The following ATP8A2 variants were observed in gnomAD, a reference collection of about 807,000 sequenced individuals.
ATP8A2 encodes phospholipid-transporting ATPase IB.
In ATP8A2, 100 loss-of-function variants were observed where a neutral mutation model predicts 165.6. The ratio of observed to expected loss-of-function variants is 0.60; its 90% CI spans 0.51 to 0.71. The LOEUF is 0.71. ATP8A2 is among the 30% of genes least tolerant of loss of function. The pLI is 0.00. For missense variants in ATP8A2, 1,227 were observed against 1,479.5 expected, an observed-to-expected ratio of 0.83 and a Z score of 2.80; for synonymous variants, 543 against 548.8, an observed-to-expected ratio of 0.99 and a Z score of 0.15.
chr13:25,479,730 A>G (rs1233308194), intron 2 of ATP8A2, among the ~76,000 whole-genome samples: 16 of 152,088 alleles, frequency 1.1e-4, no homozygotes, highest in Admixed American at 9.8e-4. Context: ...TGTTTAACAA[A>G]GCACATCTTG....
chr13:25,508,972 G>A (rs2037136711), intron 2 of ATP8A2, among the ~76,000 whole-genome samples: 1 of 152,224 alleles, frequency 6.6e-6, no homozygotes, highest in South Asian at 2.1e-4. Context: ...GGAAAGTTGA[G>A]TTAGAAATAA....
rs567752253 is a variant in ATP8A2 at position 25,839,820 on chromosome 13, G to A, written c.2956+196G>A. On this transcript the variant is annotated intron_variant, in intron 30 of 36. Coordinates refer to ENST00000381655, the MANE Select transcript of ATP8A2 (RefSeq NM_016529.6). ...TAGGTTTCATCAGTTCTGGCCTTGA[G>A]AACCCATTTTCTTTCCAGTTGACTG... Among the ~76,000 whole-genome samples, 7 of 152,268 alleles carry A rather than the reference G, an allele frequency of 4.6e-5. No homozygotes were observed. The East Asian group carries it at 9.6e-4, about 21-fold the overall frequency.
chr13:25,765,076 G>A (rs1046503070), intron 25 of ATP8A2, among the ~76,000 whole-genome samples: 7 of 152,200 alleles, frequency 4.6e-5, no homozygotes, highest in African/African-American at 1.7e-4. Context: ...TTGAAATAAT[G>A]TTAGAGAGCT....
At chr13:25,377,276 TAG>T (rs1185914435) in intron 1 of ATP8A2, among the ~76,000 whole-genome samples, 2 of 152,236 alleles carry the variant, frequency 1.3e-5, no homozygotes, top group African/African-American at 4.8e-5. Flanking sequence ...TACATCCACT[TAG>T]GCTGGGAAAA....
intron 28 of ATP8A2, among the ~76,000 whole-genome samples, chr13:25,833,094 G>A (rs1482320118): frequency 6.7e-6 from 1 of 149,700 alleles, no homozygotes; most frequent in Admixed American, 6.6e-5. Context: ...CTCTAGCAGT[G>A]GACACCTAGA....
intron 25 of ATP8A2, among the ~76,000 whole-genome samples, chr13:25,704,611 C>T (rs1270225754): frequency 6.6e-6 from 1 of 152,154 alleles, no homozygotes; most frequent in Non-Finnish European, 1.5e-5. Flanking sequence ...GCTGAGATTA[C>T]AGGCATGAGC....
At chr13:25,955,314 C>CA (rs1275757538) in intron 33 of ATP8A2, among the ~76,000 whole-genome samples, 1 of 151,882 alleles carries the variant, frequency 6.6e-6, no homozygotes, top group Non-Finnish European at 1.5e-5. Context: ...AAAAACCCTT[C>CA]AAAAAAATCA....
At chr13:25,382,018 C>T (rs1425767231) in intron 1 of ATP8A2, among the ~76,000 whole-genome samples, 1 of 152,122 alleles carries the variant, frequency 6.6e-6, no homozygotes. Flanking sequence ...TGGCATGTAT[C>T]CCCCAATGTG....
At chr13:25,632,063 A>C (rs1379495684) in intron 24 of ATP8A2, among the ~76,000 whole-genome samples, 2 of 152,048 alleles carry the variant, frequency 1.3e-5, no homozygotes, top group East Asian at 3.9e-4. Context: ...AGAGTAGCTC[A>C]CAAAACTCAG....
intron 27 of ATP8A2, among the ~76,000 whole-genome samples, chr13:25,778,265 C>T (rs750544520): frequency 6.6e-6 from 1 of 152,196 alleles, no homozygotes; most frequent in African/African-American, 2.4e-5. Flanking sequence ...ACCACAGTTC[C>T]TTGAACATAA....
At position 25,622,537 on chromosome 13, in the gene ATP8A2, T is replaced by G. The variant is rs551900793; in HGVS notation, c.2211+32838T>G. On this transcript the variant is annotated intron_variant, in intron 24 of 36. Coordinates refer to ENST00000381655, the MANE Select transcript of ATP8A2 (RefSeq NM_016529.6). ...GTGAAATAATCTGAAACAGAAATGT[T>G]TATACAGGGTGAGCATCCCCAGTCC... Among the ~76,000 whole-genome samples, 6 of 152,248 alleles carry G rather than the reference T, an allele frequency of 3.9e-5. No homozygotes were observed. In the South Asian group the frequency reaches 1.2e-3, roughly 32 times the overall value.
rs746455176 is a variant in ATP8A2, at chr13:25,465,755, C to CTCTCTCTCTTTCTCTCTT, written c.77-3215_77-3214insCTTTCTCTCTTTCTCTCT. Among the ~76,000 whole-genome samples the CTCTCTCTCTTTCTCTCTT allele has an allele frequency of 1.0e-3, 12 of 11,842 alleles. 2 individuals carry two copies. Among genetic ancestry groups the CTCTCTCTCTTTCTCTCTT allele is most frequent in the Non-Finnish European group, 9.8e-4 (4 of 4,080 alleles). The allele number at this position is 11,842 out of a possible 152,430, so 7.8% of individuals were successfully genotyped here. On this transcript the variant is annotated intron_variant, in intron 1 of 36. Coordinates refer to ENST00000381655, the MANE Select transcript of ATP8A2 (RefSeq NM_016529.6). ...TCTTTCTTTCCCTCCCTCCCTCTCT[C>CTCTCTCTCTTTCTCTCTT]TCTCTCTTTCTCTCTTTCTCTCTTT...
At chr13:25,980,441 A>G (rs972731016) in intron 35 of ATP8A2, among the ~76,000 whole-genome samples, 2 of 152,158 alleles carry the variant, frequency 1.3e-5, no homozygotes, top group African/African-American at 4.8e-5. Context: ...AGAATTTGAT[A>G]AGAAGGCCTG....
chr13:25,819,535 A>C (rs2181427), intron 27 of ATP8A2, among the ~76,000 whole-genome samples: 87,583 of 151,862 alleles, frequency 0.58, 25,526 homozygotes, highest in East Asian at 0.7. Context: ...TGTCAATCTC[A>C]TGCTGTTTCT....
chr13:25,428,183 CA>C (rs11343187), intron 1 of ATP8A2, among the ~76,000 whole-genome samples: 58,880 of 147,218 alleles, frequency 0.4, 13,169 homozygotes, highest in East Asian at 0.59. Context: ...GACCCTGTCT[CA>C]AAAAAAAAAG....
intron 25 of ATP8A2, among the ~76,000 whole-genome samples, chr13:25,752,062 C>A (rs2044162989): frequency 6.6e-6 from 1 of 151,716 alleles, no homozygotes; most frequent in African/African-American, 2.4e-5. Flanking sequence ...AAGAGAGTAC[C>A]AATGGGCATA....
chr13:25,379,002 T>C (rs1175343337), intron 1 of ATP8A2, among the ~76,000 whole-genome samples: 3 of 152,266 alleles, frequency 2.0e-5, no homozygotes, highest in Non-Finnish European at 4.4e-5. Flanking sequence ...TGTATACTTT[T>C]CTTTTTAAAT....
chr13:25,667,794 C>T (rs80112102), intron 24 of ATP8A2, among the ~76,000 whole-genome samples: 5,306 of 151,924 alleles, frequency 0.035, 156 homozygotes, highest in East Asian at 0.13. Context: ...CTAGTGTACC[C>T]TTTTGATTCC....
chr13:25,621,183 C>T (rs756353484), intron 24 of ATP8A2, among the ~76,000 whole-genome samples: 2 of 151,998 alleles, frequency 1.3e-5, no homozygotes, highest in Non-Finnish European at 2.9e-5. Flanking sequence ...GAAGAAGGTA[C>T]CTTGAAATGT....
Sources: gnomAD v4.1 joint callset for allele counts (sites outside exome capture counted in the v4.1 genomes callset) on GRCh38, gnomAD v4.1.1 for gene constraint, MANE v1.5 for transcripts, NCBI Gene and HGNC (gene_info 2026-07-23, HGNC 2026-07-21) for gene names.